PLEKHH2: variants seen among roughly 807,000 people sequenced by gnomAD.
The protein encoded by PLEKHH2 is pleckstrin homology, MyTH4 and FERM domain containing H2, also known as pleckstrin homology domain-containing family H member 2.
Under a neutral mutation model 187.9 loss-of-function variants are expected in PLEKHH2, and 129 were observed. The ratio of observed to expected loss-of-function variants is 0.69; its 90% CI spans 0.59 to 0.79. The LOEUF (loss-of-function observed/expected upper bound fraction) is 0.79. PLEKHH2 is among the 30% of genes least tolerant of loss of function. The pLI is 0.00. For synonymous variants in PLEKHH2, 686 were observed against 605.6 expected (o/e 1.13, Z -1.95); for missense variants, 2,076 against 1,751.2 (o/e 1.19, Z -3.31).
chr2:43,659,336 T>A (rs1351133910), intron 2 of PLEKHH2, among the ~76,000 whole-genome samples: 1 of 151,994 alleles, frequency 6.6e-6, no homozygotes, highest in East Asian at 1.9e-4. Flanking sequence ...TGGTCGTTCT[T>A]GTTTAACACC....
At chr2:43,727,891 G>A (rs1670842583) in intron 17 of PLEKHH2, among the ~76,000 whole-genome samples, 1 of 152,070 alleles carries the variant, frequency 6.6e-6, no homozygotes, top group Admixed American at 6.6e-5. Flanking sequence ...ATGGAAAGAG[G>A]GCCTGATGAA....
In PLEKHH2 at chr2:43,763,678, G is replaced by A. The variant is rs1672516291; in HGVS notation, c.4159-550G>A. On this transcript the variant is annotated intron_variant, in intron 28 of 29. Transcript: ENST00000282406. ...CCTCCCACCTCAGCCTCAGGCGTGA[G>A]CCATCAGGCCCGGCCTAAGTTATAT... Among the ~76,000 whole-genome samples the A allele has an allele frequency of 2.0e-5, 3 of 151,328 alleles. No homozygotes were observed. In the South Asian group the frequency reaches 6.3e-4, roughly 32 times the overall value.
intron 2 of PLEKHH2, among the ~76,000 whole-genome samples, chr2:43,660,004 C>T (rs948508792): frequency 5.3e-5 from 8 of 152,168 alleles, no homozygotes; most frequent in African/African-American, 1.9e-4. Context: ...ACACTATTTC[C>T]ATCACCTCAG....
At chr2:43,710,802 C>G (rs542103569) in intron 14 of PLEKHH2, 30 of 1,313,494 alleles carry the variant, frequency 2.3e-5, no homozygotes, top group East Asian at 1.8e-4. Flanking sequence ...ACCTTTCTTC[C>G]TTTATACTCT....
At chr2:43,729,547 C>G in intron 17 of PLEKHH2, 90 bp from the exon 18 acceptor site, 1 of 794,874 alleles carries the variant, frequency 1.3e-6, no homozygotes, top group Non-Finnish European at 1.8e-6. Flanking sequence ...TCATTTCCAT[C>G]TCAAAGTTTT....
chr2:43,647,335 A>G (rs1276641023), intron 2 of PLEKHH2, among the ~76,000 whole-genome samples: 2 of 152,258 alleles, frequency 1.3e-5, no homozygotes, highest in Non-Finnish European at 2.9e-5. Context: ...TAGAAAAGTT[A>G]TTTAACTTGA....
chr2:43,743,945 C>A lies in PLEKHH2; in HGVS notation c.3511C>A (p.Pro1171Thr), dbSNP rs766016768. 9.3e-6 allele frequency: 15 copies of A among 1,614,056 alleles called. No individual in the cohort carries two copies. Among genetic ancestry groups the A allele is most frequent in the Admixed American group, 1.7e-5 (1 of 60,024 alleles). The change falls in exon 23 of 30, where the codon CCT (proline) becomes ACT (threonine). Residue 1171 changes from proline (P) to threonine (T), a missense_variant. Transcript: ENST00000282406. ...QSGFALFTDD[P>T]SGRDLEHCLQ... ...TGGATTTGCGTTGTTCACTGACGAT[C>A]CTTCTGGCAGAGATTTAGAGCATTG...
Position 43,765,502 on chromosome 2 carries a change from G to C in PLEKHH2, c.4386G>C (p.Leu1462=). The change falls in exon 30 of 30, where the codon CTG becomes CTC. Residue 1462 remains leucine, a synonymous_variant. Coordinates refer to ENST00000282406, the MANE Select transcript of PLEKHH2 (RefSeq NM_172069.4). ...AAFHHLSAPA[L]LSAQTRGPQA... is the part of the protein sequence containing the mutation. ...TTCACCACCTCTCTGCTCCAGCACT[G>C]CTCTCAGCCCAGACCCGGGGACCCC... 6.2e-7 allele frequency: 1 copy of C among 1,614,056 alleles called. No homozygotes were observed. Among genetic ancestry groups the C allele is most frequent in the South Asian group, 1.1e-5 (1 of 91,066 alleles).
At chr2:43,740,753 G>T in intron 20 of PLEKHH2, 193 bp from the exon 21 acceptor site, 1 of 1,030,116 alleles carries the variant, frequency 9.7e-7, no homozygotes, top group East Asian at 3.7e-5. Flanking sequence ...CAACTAGATG[G>T]ATCATAGATC....
intron 17 of PLEKHH2, among the ~76,000 whole-genome samples, chr2:43,728,450 C>T (rs528314398): frequency 7.0e-6 from 1 of 142,926 alleles, no homozygotes; most frequent in East Asian, 2.1e-4. Flanking sequence ...TGCACTCCAG[C>T]CTGGGTGACA....
At chr2:43,680,842 T>C in intron 3 of PLEKHH2, 3 of 486,730 alleles carry the variant, frequency 6.2e-6, no homozygotes, top group South Asian at 4.7e-5. Flanking sequence ...CTTGACTTAT[T>C]TGATTTCTTG....
intron 1 of PLEKHH2, among the ~76,000 whole-genome samples, chr2:43,638,667 G>A (rs71420064): frequency 6.6e-6 from 1 of 152,048 alleles, no homozygotes; most frequent in Non-Finnish European, 1.5e-5. Context: ...TTTAGCAGTC[G>A]GCTATGTTAT....
chr2:43,646,093 G>A (rs138072952), intron 2 of PLEKHH2, among the ~76,000 whole-genome samples: 79 of 152,200 alleles, frequency 5.2e-4, no homozygotes, highest in African/African-American at 1.8e-3. Context: ...CTCACTTTGG[G>A]TCAAGGATGA....
At chr2:43,693,529 T>A (rs1250057115) in intron 4 of PLEKHH2, among the ~76,000 whole-genome samples, 1 of 151,792 alleles carries the variant, frequency 6.6e-6, no homozygotes, top group Non-Finnish European at 1.5e-5. Flanking sequence ...ATCGAGACCA[T>A]CTGGCTAACA....
intron 15 of PLEKHH2, among the ~76,000 whole-genome samples, chr2:43,719,305 C>T (rs1405717346): frequency 6.6e-6 from 1 of 152,196 alleles, no homozygotes; most frequent in Non-Finnish European, 1.5e-5. Context: ...ACAGGAGGTA[C>T]TCAATTTACA....
chr2:43,700,443 C>G lies in PLEKHH2; in HGVS notation c.1485C>G (p.Asp495Glu). The G allele has an allele frequency of 6.2e-7, 1 of 1,613,964 alleles. No homozygotes were observed. The highest frequency in any genetic ancestry group is 8.5e-7 in the Non-Finnish European group (1 of 1,179,966). Residue 495 changes from aspartate (D) to glutamate (E), a missense_variant, in exon 8 of 30, where the codon GAC becomes GAG. Physicochemically the swap from Asp to Glu is conservative, Grantham distance 45. Transcript: ENST00000282406. ...QETDLDLVDG[D>E]STEVLENMDT... ...CTGATCTTGATCTAGTTGATGGAGA[C>G]AGTACAGAAGTTTTAGAGAATATGG...
chr2:43,706,554 T>C, intron 10 of PLEKHH2, 138 bp downstream of exon 10: 1 of 646,468 alleles, frequency 1.5e-6, no homozygotes, highest in East Asian at 2.8e-5. Flanking sequence ...AAGTTCACGT[T>C]AACATATCAT....
chr2:43,681,269 A>C, intron 3 of PLEKHH2: 1 of 683,834 alleles, frequency 1.5e-6, no homozygotes, highest in Non-Finnish European at 2.5e-6. Flanking sequence ...GTGGAGGTCC[A>C]GGGTGATGCC....
At chr2:43,737,852 C>G (rs1671369627) in intron 19 of PLEKHH2, among the ~76,000 whole-genome samples, 1 of 152,176 alleles carries the variant, frequency 6.6e-6, no homozygotes, top group African/African-American at 2.4e-5. Context: ...ATCTGAATGT[C>G]AGGATGTGGA....
Sources: allele counts gnomAD v4.1 joint callset (sites outside exome capture counted in the v4.1 genomes callset), GRCh38; gene constraint gnomAD v4.1.1; transcripts MANE v1.5; gene names NCBI Gene and HGNC (gene_info 2026-07-23, HGNC 2026-07-21).